The following DST variants were observed in gnomAD, a reference collection of about 807,000 sequenced individuals.
The protein encoded by DST is bullous pemphigoid antigen.
DST carries 253 observed loss-of-function variants against 875.2 expected under a neutral mutation model. The ratio of observed to expected loss-of-function variants is 0.29; its 90% CI spans 0.26 to 0.32. The LOEUF is 0.32. Ranked by LOEUF, DST falls within the 10% of genes least tolerant of loss-of-function variation. The pLI is 1.00. For missense variants in DST, 8,287 were observed against 9,111.6 expected, an observed-to-expected ratio of 0.91 and a Z score of 3.68; for synonymous variants, 3,124 against 3,197.1, an observed-to-expected ratio of 0.98 and a Z score of 0.77.
chr6:56,541,639 C>CA (rs2097128387), intron 61 of DST: 1 of 152,094 alleles, frequency 6.6e-6, no homozygotes, highest in Admixed American at 6.6e-5. Flanking sequence ...AAGCATCTTC[C>CA]AAAAAAGTAT....
intron 62 of DST, 74 bp from the exon 63 acceptor site, chr6:56,535,366 T>C: frequency 6.9e-7 from 1 of 1,441,082 alleles, no homozygotes. Flanking sequence ...AATCACTATT[T>C]TACATGCTTA....
chr6:56,815,020 C>T (rs1338731487), intron 4 of DST, among the ~76,000 whole-genome samples: 1 of 152,170 alleles, frequency 6.6e-6, no homozygotes, highest in African/African-American at 2.4e-5. Context: ...TTAGAATCAC[C>T]GCTCTGCCAC....
At chr6:56,547,166 G>T (rs2152544638) in intron 61 of DST, among the ~76,000 whole-genome samples, 1 of 152,224 alleles carries the variant, frequency 6.6e-6, no homozygotes. Context: ...TATATTCCTT[G>T]TATCATGTGA....
At chr6:56,578,127 T>C (rs12200301) in intron 50 of DST, among the ~76,000 whole-genome samples, 56,383 of 151,930 alleles carry the variant, frequency 0.37, 10,926 homozygotes, top group Admixed American at 0.43. Context: ...GCTACTTTTG[T>C]GCACAAAACA....
chr6:56,604,667 C>T lies in DST; in HGVS notation c.9961G>A (p.Glu3321Lys). ...YSFLEINNKK[E>K]RIEQQLPKEQ... ...TTTGGTAGCTGTTGCTCAATTCTTT[C>T]TTTCTTATTATTAATTTCTAAGAAT... Residue 3321 changes from glutamate (E) to lysine (K), a missense_variant, in exon 40 of 104, where the codon GAA (glutamate) becomes AAA (lysine). By Grantham distance (56) the Glu-to-Lys change is moderately conservative. Transcript: ENST00000680361. 1 of 1,612,058 alleles carries T rather than the reference C, an allele frequency of 6.2e-7. No individual in the cohort carries two copies. Among genetic ancestry groups the T allele is most frequent in the Non-Finnish European group, 8.5e-7 (1 of 1,178,828 alleles).
intron 5 of DST, among the ~76,000 whole-genome samples, chr6:56,720,338 G>A (rs1423215852): frequency 2.7e-5 from 4 of 146,830 alleles, no homozygotes; most frequent in Non-Finnish European, 4.5e-5. Context: ...AACAATTGCT[G>A]TTATCCTGTT....
intron 59 of DST, 105 bp downstream of exon 59, chr6:56,557,214 A>C (rs2097438671): frequency 2.8e-6 from 3 of 1,062,458 alleles, no homozygotes; most frequent in Non-Finnish European, 4.2e-6. Flanking sequence ...CAAAGCAGTT[A>C]AATAAAACAC....
intron 9 of DST, among the ~76,000 whole-genome samples, chr6:56,696,733 A>G (rs886072635): frequency 6.6e-6 from 1 of 152,118 alleles, no homozygotes; most frequent in Non-Finnish European, 1.5e-5. Flanking sequence ...TGTGGTCTCT[A>G]GTGGCATTTC....
chr6:56,870,274 G>A (rs569649307), intron 3 of DST, among the ~76,000 whole-genome samples: 72 of 152,040 alleles, frequency 4.7e-4, no homozygotes, highest in Admixed American at 2.0e-3. Flanking sequence ...AAAACAGGAG[G>A]TAAGGAAATA....
In DST at chr6:56,597,955, A is replaced by G. The variant is rs372499813; in HGVS notation, c.11980T>C (p.Leu3994=). The change falls in exon 47 of 104, where the codon TTG becomes CTG. Residue 3994 remains leucine (L), a synonymous_variant. Coordinates refer to ENST00000680361, the MANE Select transcript of DST (RefSeq NM_001374736.1). Reference sequence around the variant, plus strand: ...TTGTCAACATTTGACAACCAGTCCAAAAGGTTTTCTATTTTGGTTTTGCTC... The same window carrying G: ...TTGTCAACATTTGACAACCAGTCCAGAAGGTTTTCTATTTTGGTTTTGCTC... The part of the protein sequence containing the change: ...EESKTKIENL[L]DWLSNVDKDS... The G allele has an allele frequency of 4.5e-5, 72 of 1,612,374 alleles. No individual in the cohort carries two copies. The highest frequency in any genetic ancestry group is 5.9e-5 in the Non-Finnish European group (70 of 1,179,082).
intron 4 of DST, among the ~76,000 whole-genome samples, chr6:56,755,009 T>C (rs1040849044): frequency 1.3e-5 from 2 of 152,014 alleles, no homozygotes; most frequent in Non-Finnish European, 2.9e-5. Context: ...GTAATGTCTA[T>C]TTTTTTCAGC....
At position 56,843,008 on chromosome 6, in the gene DST, C is replaced by T. The variant is rs781332305; in HGVS notation, c.625+8389G>A. On this transcript the variant is annotated intron_variant, in intron 4 of 103. Coordinates refer to ENST00000680361, the MANE Select transcript of DST (RefSeq NM_001374736.1). Reference sequence around the variant, plus strand: ...GATTAAGGAAAGGCAGCGGTTGCCTCTCTGATCAGTGCCAAGCTCCGCAGC... The same window carrying T: ...GATTAAGGAAAGGCAGCGGTTGCCTTTCTGATCAGTGCCAAGCTCCGCAGC... 26 of 1,362,484 alleles carry T rather than the reference C, an allele frequency of 1.9e-5. No homozygotes were observed. The Admixed American group carries it at 5.5e-4, about 29-fold the overall frequency. The allele number at this position is 1,362,484 out of a possible 1,614,324, so 84.4% of individuals were successfully genotyped here.
chr6:56,603,088 A>G, intron 42 of DST, 57 bp from the exon 43 acceptor site: 2 of 1,543,224 alleles, frequency 1.3e-6, no homozygotes, highest in Non-Finnish European at 1.7e-6. Context: ...AATTCTTACA[A>G]ATAATGACTG....
chr6:56,690,106 C>T (rs748192417), intron 9 of DST, among the ~76,000 whole-genome samples: 1 of 152,172 alleles, frequency 6.6e-6, no homozygotes, highest in Non-Finnish European at 1.5e-5. Flanking sequence ...AGCAATCTCC[C>T]TTAAATTTCA....
intron 10 of DST, among the ~76,000 whole-genome samples, chr6:56,668,870 A>T (rs1263990559): frequency 2.0e-5 from 3 of 152,052 alleles, no homozygotes; most frequent in Admixed American, 1.3e-4. Flanking sequence ...TTTCCAAAAT[A>T]AAAAGGGAGA....
Position 56,573,787 on chromosome 6 carries a change from G to A in DST, c.13128C>T (p.Gly4376=). 2.5e-6 allele frequency: 4 copies of A among 1,613,526 alleles called. No homozygotes were observed. The South Asian group carries it at 3.3e-5, about 13-fold the overall frequency. Residue 4376 remains glycine, a synonymous_variant, in exon 51 of 104, where the codon GGC becomes GGT. Transcript: ENST00000680361. ...CCATCCAGTCCAGCATTTCATCCAA[G>A]CCATCCTGCACACTCAGTGAACGGG... ...TLTRSLSVQD[G]LDEMLDWMGN...
At chr6:56,798,861 C>T (rs1471548131) in intron 4 of DST, among the ~76,000 whole-genome samples, 1 of 151,894 alleles carries the variant, frequency 6.6e-6, no homozygotes. Context: ...GATTCCAAAC[C>T]CTCATGGATG....
At chr6:56,490,251 A>G (rs2095691319) in intron 85 of DST, among the ~76,000 whole-genome samples, 1 of 152,136 alleles carries the variant, frequency 6.6e-6, no homozygotes, top group Admixed American at 6.5e-5. Context: ...ACACAATGTT[A>G]TTCTCTTTGG....
chr6:56,653,369 A>C lies in DST; in HGVS notation c.1215-2125T>G, dbSNP rs534478757. Among the ~76,000 whole-genome samples the C allele has an allele frequency of 3.3e-5, 5 of 152,290 alleles. No individual in the cohort carries two copies. In the South Asian group the frequency reaches 1.0e-3, roughly 32 times the overall value. On this transcript the variant is annotated intron_variant, in intron 10 of 103. Coordinates refer to ENST00000680361, the MANE Select transcript of DST (RefSeq NM_001374736.1). ...GATAAAGAAAATTAGTTAAACAAAAAATGGGAAAAGGGAAAACTTTAAAAA... is the reference window on the plus strand; with the variant it reads ...GATAAAGAAAATTAGTTAAACAAAACATGGGAAAAGGGAAAACTTTAAAAA...
Sources: gnomAD v4.1 joint callset for allele counts (sites outside exome capture counted in the v4.1 genomes callset) on GRCh38, gnomAD v4.1.1 for gene constraint, MANE v1.5 for transcripts, NCBI Gene and HGNC (gene_info 2026-07-23, HGNC 2026-07-21) for gene names.